Variants in ANO6 observed in about 807,000 individuals in gnomAD.
The protein encoded by ANO6 is anoctamin-6.
A neutral mutation model predicts 117.5 loss-of-function variants in ANO6; 106 were observed. The ratio of observed to expected loss-of-function variants is 0.90; its 90% confidence interval spans 0.77 to 1.06. ANO6 has a LOEUF of 1.06. Ranked by LOEUF, ANO6 falls within the 50% of genes least tolerant of loss-of-function variation. The pLI, the probability that ANO6 is intolerant of heterozygous loss-of-function variation, is 0.00. For missense variants in ANO6, 955 were observed against 1,121.1 expected (o/e 0.85, Z 2.12); for synonymous variants, 367 against 385.1 (o/e 0.95, Z 0.55).
At chr12:45,269,790 G>T (rs555689022) in intron 1 of ANO6, among the ~76,000 whole-genome samples, 1 of 152,150 alleles carries the variant, frequency 6.6e-6, no homozygotes, top group Non-Finnish European at 1.5e-5. Flanking sequence ...GTACAGTCCC[G>T]TTTAAGATCC....
chr12:45,390,430 C>T lies in ANO6; in HGVS notation c.1318C>T (p.Arg440Cys), dbSNP rs147533222. Residue 440 changes from arginine (R) to cysteine (C), a missense_variant, in exon 12 of 20, where the codon CGC (arginine) becomes TGC (cysteine). Arg to Cys is a radical substitution (Grantham distance 180). Coordinates refer to ENST00000320560, the MANE Select transcript of ANO6 (RefSeq NM_001025356.3). ...TTGTTTTTGTAATTAGGAAGAAGAA[C>T]GCATTCCCTTTACTGCCTGGGGAAA... is the stretch of plus-strand genomic sequence containing the variant. The part of the protein sequence containing the change: ...VINEITQEEE[R>C]IPFTAWGKCI... 53 of 1,613,586 alleles carry T rather than the reference C, an allele frequency of 3.3e-5. No individual in the cohort carries two copies. The highest frequency in any genetic ancestry group is 2.3e-4 in the African/African-American group (17 of 74,910).
intron 1 of ANO6, among the ~76,000 whole-genome samples, chr12:45,256,174 A>G (rs1377777964): frequency 1.3e-5 from 2 of 152,094 alleles, no homozygotes; most frequent in African/African-American, 2.4e-5. Flanking sequence ...TCAGGATGCT[A>G]TAACATTGAA....
At chr12:45,409,612 T>C in intron 16 of ANO6, 125 bp downstream of exon 16, 1 of 1,139,066 alleles carries the variant, frequency 8.8e-7, no homozygotes, top group Non-Finnish European at 1.3e-6. Flanking sequence ...TATGTTTTTC[T>C]CCACTAGATA....
intron 2 of ANO6, among the ~76,000 whole-genome samples, chr12:45,318,849 A>G (rs1403865590): frequency 6.6e-6 from 1 of 152,038 alleles, no homozygotes; most frequent in East Asian, 1.9e-4. Context: ...CATCCCTTTT[A>G]AGTTGGATTC....
At chr12:45,380,946 G>A (rs1459157049) in intron 10 of ANO6, among the ~76,000 whole-genome samples, 1 of 152,140 alleles carries the variant, frequency 6.6e-6, no homozygotes, top group Non-Finnish European at 1.5e-5. Flanking sequence ...CAGCCTGAGC[G>A]ACAGAGTAAG....
intron 12 of ANO6, 39 bp downstream of exon 12, chr12:45,390,537 G>C (rs749072270): frequency 2.6e-6 from 4 of 1,555,160 alleles, no homozygotes; most frequent in Non-Finnish European, 3.5e-6. Context: ...GATTAAAAAT[G>C]TTTTTATTAT....
chr12:45,241,608 C>T (rs982751766), intron 1 of ANO6, among the ~76,000 whole-genome samples: 8 of 152,198 alleles, frequency 5.3e-5, no homozygotes, highest in African/African-American at 9.6e-5. Context: ...TGAGGAACTG[C>T]GATCTTTTGG....
rs114067913 is a variant in ANO6 at position 45,314,824 on chromosome 12, A to G, written c.150+12731A>G. ...AAAATACCTTTACAGCAACACCTTG[A>G]TTAGTATTTGACTGCATAATAAATG... On this transcript the variant is annotated intron_variant, in intron 2 of 19. Coordinates refer to ENST00000320560, the MANE Select transcript of ANO6 (RefSeq NM_001025356.3). 1.0e-2 allele frequency among the ~76,000 whole-genome samples: 1,515 copies of G among 152,174 alleles called. 27 individuals are homozygous for G. Among genetic ancestry groups the G allele is most frequent in the African/African-American group, 0.034 (1,405 of 41,544 alleles).
intron 3 of ANO6, among the ~76,000 whole-genome samples, chr12:45,334,292 C>T (rs1216872712): frequency 6.6e-6 from 1 of 152,046 alleles, no homozygotes; most frequent in Admixed American, 6.6e-5. Flanking sequence ...CTCAAAATGG[C>T]TTAAATGCTA....
chr12:45,311,189 A>T (rs1939838575), intron 2 of ANO6, among the ~76,000 whole-genome samples: 1 of 152,096 alleles, frequency 6.6e-6, no homozygotes. Context: ...CTGTGGAATA[A>T]TGGATGAAAA....
chr12:45,403,124 C>A lies in ANO6; in HGVS notation c.1665C>A (p.Phe555Leu), dbSNP rs1195715266. 6.2e-7 allele frequency: 1 copy of A among 1,614,016 alleles called. No individual in the cohort carries two copies. Among genetic ancestry groups the A allele is most frequent in the Non-Finnish European group, 8.5e-7 (1 of 1,179,932 alleles). The change falls in exon 14 of 20, where the codon TTC becomes TTA. Residue 555 changes from phenylalanine to leucine, a missense_variant. Coordinates refer to ENST00000320560, the MANE Select transcript of ANO6 (RefSeq NM_001025356.3). ...DYENSLTMKMFLFQFVNYYSS... is the reference protein window; with the variant it reads ...DYENSLTMKMLLFQFVNYYSS... ...AGAACAGCCTCACCATGAAGATGTT[C>A]TTATTCCAGTTTGTCAACTACTACT...
At chr12:45,355,938 TCA>T (rs1405204065) in intron 7 of ANO6, among the ~76,000 whole-genome samples, 3 of 152,204 alleles carry the variant, frequency 2.0e-5, no homozygotes, top group Non-Finnish European at 4.4e-5. Flanking sequence ...CACGTAGGCC[TCA>T]GAGTTAAGTA....
intron 2 of ANO6, among the ~76,000 whole-genome samples, chr12:45,312,405 T>G (rs4768602): frequency 0.84 from 128,357 of 151,982 alleles, 55,306 homozygotes; most frequent in Non-Finnish European, 0.94. Flanking sequence ...GGTGGGCATG[T>G]ACACACAATG....
chr12:45,321,400 A>T (rs1592962501), intron 2 of ANO6, among the ~76,000 whole-genome samples: 2 of 152,108 alleles, frequency 1.3e-5, no homozygotes, highest in Middle Eastern at 3.2e-3. Context: ...GGTCAGTTGG[A>T]AGGTATCGAT....
chr12:45,393,514 G>A (rs938241113), intron 12 of ANO6, among the ~76,000 whole-genome samples: 3 of 152,138 alleles, frequency 2.0e-5, no homozygotes, highest in African/African-American at 4.8e-5. Context: ...GATACTCCTT[G>A]AGAAGAGCAA....
chr12:45,296,637 A>T (rs991963733), intron 1 of ANO6, among the ~76,000 whole-genome samples: 18 of 152,122 alleles, frequency 1.2e-4, no homozygotes, highest in African/African-American at 4.3e-4. Context: ...ATTTCTTCTA[A>T]ACTTATATCT....
chr12:45,287,266 T>C (rs902856817), intron 1 of ANO6, among the ~76,000 whole-genome samples: 3 of 152,050 alleles, frequency 2.0e-5, no homozygotes, highest in Admixed American at 6.6e-5. Flanking sequence ...TAAGGCCGAG[T>C]GCGCAGTGTA....
chr12:45,390,516 A>G lies in ANO6; in HGVS notation c.1386+18A>G. 3.1e-6 allele frequency: 5 copies of G among 1,599,782 alleles called. No individual in the cohort carries two copies. Among genetic ancestry groups the G allele is most frequent in the Non-Finnish European group, 3.4e-6 (4 of 1,167,448 alleles). On this transcript the variant is annotated intron_variant, in intron 12 of 19. Coordinates refer to ENST00000320560, the MANE Select transcript of ANO6 (RefSeq NM_001025356.3). The stretch of plus-strand genomic sequence containing the variant: ...TTTTCTGGGTAATTCTATCACAAAA[A>G]TGTTTTGAATGATTAAAAATGTTTT...
intron 10 of ANO6, among the ~76,000 whole-genome samples, chr12:45,379,390 A>G (rs1942112241): frequency 6.6e-6 from 1 of 152,244 alleles, no homozygotes; most frequent in Non-Finnish European, 1.5e-5. Flanking sequence ...CCAGTCAGTT[A>G]CATTGGCATT....
Sources: gnomAD v4.1 joint callset for allele counts (sites outside exome capture counted in the v4.1 genomes callset) on GRCh38, gnomAD v4.1.1 for gene constraint, MANE v1.5 for transcripts, NCBI Gene and HGNC (gene_info 2026-07-23, HGNC 2026-07-21) for gene names.